CATSPERB: variants seen among roughly 807,000 people sequenced by gnomAD.
CATSPERB encodes the protein cation channel sperm-associated auxiliary subunit beta.
A neutral mutation model predicts 128.3 loss-of-function variants in CATSPERB; 93 were observed. That is an observed-to-expected ratio of 0.72 (90% CI 0.61 to 0.86). The LOEUF is 0.86. CATSPERB is among the 40% of genes least tolerant of loss of function. The probability of loss-of-function intolerance (pLI) is 0.00; values close to 1 mark genes in which losing one functional copy is unlikely to be tolerated. For missense variants in CATSPERB, 1,153 were observed against 1,329.5 expected (o/e 0.87, Z 2.06); for synonymous variants, 381 against 448.8 (o/e 0.85, Z 1.91).
intron 10 of CATSPERB, among the ~76,000 whole-genome samples, chr14:91,684,503 T>C (rs1314119653): frequency 6.6e-6 from 1 of 152,192 alleles, no homozygotes; most frequent in African/African-American, 2.4e-5. Context: ...TAAGAAAGAC[T>C]TTTTTACATT....
chr14:91,725,012 T>TA, intron 3 of CATSPERB, 68 bp downstream of exon 3: 1 of 669,294 alleles, frequency 1.5e-6, no homozygotes, highest in East Asian at 2.9e-5. Flanking sequence ...AATACAATGC[T>TA]ATTGGTTTTA....
chr14:91,683,969 T>A, intron 10 of CATSPERB, 26 bp from the exon 11 acceptor site: 1 of 1,459,044 alleles, frequency 6.9e-7, no homozygotes, highest in Non-Finnish European at 9.5e-7. Context: ...AAATATCACT[T>A]AGCCAATATG....
chr14:91,625,786 A>C (rs549375291), intron 17 of CATSPERB, among the ~76,000 whole-genome samples: 11 of 152,316 alleles, frequency 7.2e-5, no homozygotes, highest in Admixed American at 6.5e-4. Context: ...TTGCATATCC[A>C]CATGCAAAAA....
At position 91,723,139 on chromosome 14, in the gene CATSPERB, C is replaced by A; in HGVS notation, c.219G>T (p.Met73Ile). Residue 73 changes from methionine to isoleucine, a missense_variant, in exon 4 of 27, where the codon ATG becomes ATT. Coordinates refer to ENST00000256343, the MANE Select transcript of CATSPERB (RefSeq NM_024764.4). Reference sequence around the variant, plus strand: ...GTCCTCCTGATGTGAACACACTTAGCATTGCTTTTGATGCAATTTCATTTT... The same window carrying A: ...GTCCTCCTGATGTGAACACACTTAGAATTGCTTTTGATGCAATTTCATTTT... ...QTENEIASKA[M>I]LSVFTSGGLA... is the part of the protein sequence containing the mutation. The A allele has an allele frequency of 6.5e-7, 1 of 1,535,884 alleles. No homozygotes were observed. The highest frequency in any genetic ancestry group is 1.4e-5 in the African/African-American group (1 of 72,014).
intron 14 of CATSPERB, among the ~76,000 whole-genome samples, chr14:91,666,744 CAGACAACCGCCTACTTAG>C (rs1266829489): frequency 1.3e-5 from 2 of 152,150 alleles, no homozygotes; most frequent in African/African-American, 4.8e-5. Flanking sequence ...TTATGGCTAT[CAGACAACCGCCTACTTAG>C]ATACCAGGCG....
At chr14:91,621,988 G>A in intron 18 of CATSPERB, 51 bp from the exon 19 acceptor site, 1 of 1,287,700 alleles carries the variant, frequency 7.8e-7, no homozygotes, top group Non-Finnish European at 1.1e-6. Context: ...TCCGATGTTT[G>A]CCAAACAAAC....
At chr14:91,626,609 T>C (rs1484926449) in intron 17 of CATSPERB, among the ~76,000 whole-genome samples, 3 of 152,170 alleles carry the variant, frequency 2.0e-5, no homozygotes, top group African/African-American at 7.2e-5. Flanking sequence ...CTCTCTCTTT[T>C]GCACATGAGT....
intron 6 of CATSPERB, 70 bp from the exon 7 acceptor site, chr14:91,704,771 A>G: frequency 6.8e-7 from 1 of 1,475,732 alleles, no homozygotes; most frequent in South Asian, 1.3e-5. Context: ...TTTCCTTTAA[A>G]GGTTTTAAAA....
At chr14:91,660,636 TGAA>T (rs1161180782) in intron 14 of CATSPERB, among the ~76,000 whole-genome samples, 3 of 150,612 alleles carry the variant, frequency 2.0e-5, no homozygotes, top group Non-Finnish European at 4.4e-5. Context: ...CTCATTCACA[TGAA>T]GATTTCTGTT....
intron 6 of CATSPERB, among the ~76,000 whole-genome samples, chr14:91,707,383 G>T (rs1456678866): frequency 6.6e-5 from 10 of 152,002 alleles, no homozygotes; most frequent in Admixed American, 6.6e-4. Flanking sequence ...TTAAAAAGTA[G>T]CATAGGATAT....
chr14:91,730,914 G>A (rs1896199778), intron 1 of CATSPERB, among the ~76,000 whole-genome samples: 1 of 152,048 alleles, frequency 6.6e-6, no homozygotes, highest in African/African-American at 2.4e-5. Flanking sequence ...AAAATCATCT[G>A]AGAAAACAAC....
chr14:91,679,248 C>G (rs1689672872), intron 11 of CATSPERB, among the ~76,000 whole-genome samples: 1 of 152,090 alleles, frequency 6.6e-6, no homozygotes, highest in Non-Finnish European at 1.5e-5. Context: ...GGATTTCTTG[C>G]TTCCTAAGCT....
At chr14:91,722,984 A>T in intron 4 of CATSPERB, 65 bp downstream of exon 4, 3 of 1,240,928 alleles carry the variant, frequency 2.4e-6, no homozygotes, top group Non-Finnish European at 3.2e-6. Context: ...TAAAAAATAC[A>T]TCCTATAAGG....
intron 14 of CATSPERB, among the ~76,000 whole-genome samples, chr14:91,665,145 G>A (rs941965990): frequency 3.9e-5 from 6 of 152,040 alleles, no homozygotes; most frequent in Non-Finnish European, 5.9e-5. Flanking sequence ...CACTCACCTT[G>A]ACATCCCAAA....
rs578219222 is a variant in CATSPERB, at chr14:91,611,602, G to A, written c.2401-925C>T. On this transcript the variant is annotated intron_variant, in intron 20 of 26. Transcript: ENST00000256343. Reference sequence around the variant, plus strand: ...TCCAGACTGGGTGACAGAGCTAGCCGTCTCAAAAACAAACAAACAAACAAA... The same window carrying A: ...TCCAGACTGGGTGACAGAGCTAGCCATCTCAAAAACAAACAAACAAACAAA... Among the ~76,000 whole-genome samples, 13 of 152,056 alleles carry A rather than the reference G, an allele frequency of 8.5e-5. No individual in the cohort carries two copies. In the East Asian group the frequency reaches 1.2e-3, roughly 14 times the overall value.
intron 18 of CATSPERB, among the ~76,000 whole-genome samples, chr14:91,622,516 A>G (rs1366444686): frequency 6.6e-6 from 1 of 152,224 alleles, no homozygotes; most frequent in Non-Finnish European, 1.5e-5. Context: ...CAGAGAAGAC[A>G]TCAATGAAGC....
intron 11 of CATSPERB, among the ~76,000 whole-genome samples, chr14:91,676,098 AT>A (rs1279542966): frequency 6.6e-6 from 1 of 151,994 alleles, no homozygotes; most frequent in Non-Finnish European, 1.5e-5. Context: ...ATTAAGGTTG[AT>A]GTGTTAAAAA....
chr14:91,723,287 T>G (rs575701540), intron 3 of CATSPERB, 98 bp from the exon 4 acceptor site: 1 of 858,140 alleles, frequency 1.2e-6, no homozygotes, highest in South Asian at 3.6e-5. Context: ...CAGTCTCTAG[T>G]TAGGAAAAAA....
In CATSPERB at chr14:91,702,675, AACACACACAC is replaced by A. The variant is rs71461951; in HGVS notation, c.616+1867_616+1876del. Among the ~76,000 whole-genome samples, 12 of 145,592 alleles carry A rather than the reference AACACACACAC, an allele frequency of 8.2e-5. No homozygotes were observed. The East Asian group carries it at 1.2e-3, about 15-fold the overall frequency. ...ACACCCTCCCTGACACAAAAAAGAAAACACACACACACACACACACACACACACACAAACC... is the reference window on the plus strand; with the variant it reads ...ACACCCTCCCTGACACAAAAAAGAAAACACACACACACACACACACAAACC... On this transcript the variant is annotated intron_variant, in intron 7 of 26. Transcript: ENST00000256343.
Sources: gnomAD v4.1 joint callset for allele counts (sites outside exome capture counted in the v4.1 genomes callset) on GRCh38, gnomAD v4.1.1 for gene constraint, MANE v1.5 for transcripts, NCBI Gene and HGNC (gene_info 2026-07-23, HGNC 2026-07-21) for gene names.